Variants in TTC6 observed in about 807,000 individuals in gnomAD.
TTC6 encodes the protein tetratricopeptide repeat domain 6, also known as tetratricopeptide repeat protein 6.
A neutral mutation model predicts 210.4 loss-of-function variants in TTC6; 172 were observed. That is an observed-to-expected ratio of 0.82 (90% CI 0.72 to 0.93). TTC6 has a LOEUF of 0.93. Ranked by LOEUF, TTC6 falls within the 40% of genes least tolerant of loss-of-function variation. The pLI is 0.00. For missense variants in TTC6, 2,414 were observed against 2,318.1 expected (o/e 1.04, Z -0.85); for synonymous variants, 804 against 819.6 (o/e 0.98, Z 0.32).
At chr14:37,804,575 T>TAGAG in intron 20 of TTC6, 105 bp from the exon 23 acceptor site, 1 of 1,389,576 alleles carries the variant, frequency 7.2e-7, no homozygotes, top group Non-Finnish European at 9.8e-7. Context: ...AAAGTAAGAG[T>TAGAG]AGAGGTGTGT....
At chr14:37,720,273 T>C (rs1375902209) in intron 6 of TTC6, among the ~76,000 whole-genome samples, 2 of 152,146 alleles carry the variant, frequency 1.3e-5, no homozygotes, top group Admixed American at 6.6e-5. Flanking sequence ...GAAAGCAGTT[T>C]GGTAATTAGA....
chr14:37,805,188 CT>C (rs2096115569), intron 21 of TTC6, among the ~76,000 whole-genome samples: 1 of 152,106 alleles, frequency 6.6e-6, no homozygotes, highest in Admixed American at 6.5e-5. Context: ...AAGATTAGGG[CT>C]TTCTGGCTTT....
At chr14:37,674,632 G>C (rs1165262916) in intron 1 of TTC6, among the ~76,000 whole-genome samples, 3 of 152,102 alleles carry the variant, frequency 2.0e-5, no homozygotes, top group Non-Finnish European at 4.4e-5. Flanking sequence ...GAGCACGTGT[G>C]CTCAACCGCT....
chr14:37,651,425 ATTTTTTTTTTTT>A lies in TTC6; in HGVS notation c.939+28439_939+28450del, dbSNP rs55775703. On this transcript the variant is annotated intron_variant, in intron 1 of 30. Coordinates refer to ENST00000553443, the Ensembl canonical transcript of TTC6. ...TATATATATATATATATATATATAT[ATTTTTTTTTTTT>A]TTTTTTTTTTTTTTTTCCATCCATG... Among the ~76,000 whole-genome samples, 191 of 23,766 alleles carry A rather than the reference ATTTTTTTTTTTT, an allele frequency of 8.0e-3. 1 individual carries two copies. Among genetic ancestry groups the A allele is most frequent in the Middle Eastern group, 0.05 (1 of 20 alleles). 15.6% of individuals were successfully genotyped at this position (23,766 alleles called of 152,430 possible).
At chr14:37,842,403 A>G in exon 31 of TTC6, 1 of 946,204 alleles carries the variant, frequency 1.1e-6, no homozygotes, top group Non-Finnish European at 1.4e-6. Context: ...CGTTATGCTT[A>G]GTCTTCCATA....
intron 1 of TTC6, among the ~76,000 whole-genome samples, chr14:37,637,441 A>G (rs2095683115): frequency 6.6e-6 from 1 of 152,174 alleles, no homozygotes; most frequent in African/African-American, 2.4e-5. Context: ...TTGAATTTAT[A>G]AAGAACTCTC....
chr14:37,826,323 G>A, exon 28 of TTC6: 1 of 1,608,142 alleles, frequency 6.2e-7, no homozygotes. Flanking sequence ...TTGCTGCAAT[G>A]CAGGATATTA....
At chr14:37,737,418 C>T (rs1325660760) in intron 8 of TTC6, among the ~76,000 whole-genome samples, 3 of 113,170 alleles carry the variant, frequency 2.7e-5, no homozygotes, top group Non-Finnish European at 4.0e-5. Flanking sequence ...TTTGTTATAT[C>T]AAGTTGAATT....
chr14:37,759,231 A>G (rs2095976799), intron 14 of TTC6, among the ~76,000 whole-genome samples: 1 of 151,256 alleles, frequency 6.6e-6, no homozygotes, highest in Non-Finnish European at 1.5e-5. Context: ...CCACTGTACT[A>G]CAGCCTGGGC....
At chr14:37,789,639 C>G (rs1219208336) in intron 15 of TTC6, among the ~76,000 whole-genome samples, 1 of 141,250 alleles carries the variant, frequency 7.1e-6, no homozygotes, top group Admixed American at 7.2e-5. Context: ...TATGTATATT[C>G]TATAATATAT....
At chr14:37,734,833 C>T (rs1351193154) in intron 7 of TTC6, among the ~76,000 whole-genome samples, 1 of 152,024 alleles carries the variant, frequency 6.6e-6, no homozygotes, top group East Asian at 1.9e-4. Flanking sequence ...AAATAAGCAA[C>T]CATTGATTGT....
At chr14:37,838,545 C>T (rs1211143768) in intron 29 of TTC6, among the ~76,000 whole-genome samples, 2 of 151,952 alleles carry the variant, frequency 1.3e-5, no homozygotes, top group Non-Finnish European at 2.9e-5. Flanking sequence ...TTTTTTATAC[C>T]TTTTTATGGT....
At chr14:37,679,473 A>G (rs1264127197) in intron 1 of TTC6, among the ~76,000 whole-genome samples, 1 of 152,154 alleles carries the variant, frequency 6.6e-6, no homozygotes, top group African/African-American at 2.4e-5. Context: ...CAGTCCATCC[A>G]GTGAGGTTTT....
chr14:37,695,656 C>T (rs533078802), intron 3 of TTC6, among the ~76,000 whole-genome samples: 1 of 151,914 alleles, frequency 6.6e-6, no homozygotes, highest in African/African-American at 2.4e-5. Flanking sequence ...CCCGGCCAGT[C>T]AGTAATAATT....
At chr14:37,677,848 T>A (rs2095773794) in intron 1 of TTC6, among the ~76,000 whole-genome samples, 1 of 152,154 alleles carries the variant, frequency 6.6e-6, no homozygotes, top group East Asian at 1.9e-4. Context: ...TTATTTTAGA[T>A]GATGTATGTT....
intron 14 of TTC6, among the ~76,000 whole-genome samples, chr14:37,782,350 G>C (rs2096057180): frequency 6.6e-6 from 1 of 152,128 alleles, no homozygotes; most frequent in South Asian, 2.1e-4. Context: ...CACATCCCTT[G>C]TAAGTTGGAT....
intron 20 of TTC6, chr14:37,802,306 T>C (rs959583044): frequency 2.0e-5 from 3 of 152,064 alleles, no homozygotes; most frequent in African/African-American, 7.3e-5. Flanking sequence ...ACTTAGGTGG[T>C]GGGTTGGTAG....
intron 15 of TTC6, among the ~76,000 whole-genome samples, chr14:37,790,347 C>A (rs17107102): frequency 0.16 from 24,920 of 151,970 alleles, 2,232 homozygotes; most frequent in East Asian, 0.36. Flanking sequence ...ACCCTTCTGA[C>A]TGGAGTTGGA....
chr14:37,601,843 T>C (rs1594991737), intron 1 of TTC6, among the ~76,000 whole-genome samples: 2 of 152,190 alleles, frequency 1.3e-5, no homozygotes, highest in South Asian at 4.1e-4. Flanking sequence ...ATTTCACTTT[T>C]CCTCGCTGTA....
Sources: gnomAD v4.1 joint callset for allele counts (sites outside exome capture counted in the v4.1 genomes callset) on GRCh38, gnomAD v4.1.1 for gene constraint, MANE v1.5 for transcripts, NCBI Gene and HGNC (gene_info 2026-07-23, HGNC 2026-07-21) for gene names.